Variants in PPP1R37 observed in about 807,000 individuals in gnomAD.
PPP1R37 encodes protein phosphatase 1 regulatory subunit 37.
In PPP1R37, 21 loss-of-function variants were observed where a neutral mutation model predicts 61.0. The observed-to-expected ratio is 0.34, with a 90% CI of 0.24 to 0.50. PPP1R37 has a LOEUF of 0.50. Ranked by LOEUF, PPP1R37 falls within the 20% of genes least tolerant of loss-of-function variation. The pLI is 0.98. For synonymous variants in PPP1R37, 443 were observed against 433.5 expected, an observed-to-expected ratio of 1.02 and a Z score of -0.27; for missense variants, 910 against 952.7, an observed-to-expected ratio of 0.96 and a Z score of 0.59.
At position 45,145,480 on chromosome 19, in the gene PPP1R37, C is replaced by T; in HGVS notation, c.1424C>T (p.Pro475Leu). 1 of 1,534,800 alleles carries T rather than the reference C, an allele frequency of 6.5e-7. No individual in the cohort carries two copies. Among genetic ancestry groups the T allele is most frequent in the Non-Finnish European group, 8.7e-7 (1 of 1,146,484 alleles). Residue 475 changes from proline to leucine, a missense_variant, in exon 11 of 13, where the codon CCT becomes CTT. By Grantham distance (98) the Pro-to-Leu change is moderately conservative (BLOSUM62 -3). Around this residue, in one of 3 missense-constraint regions of PPP1R37, gnomAD observed 549 missense variants for 505.1 expected, o/e 1.09. Transcript: ENST00000221462. ...CCGCCACAGCTGTCGGCCTCCATGC[C>T]TGAGACCACCGCCACCGAGCCCCAG... ...EQPPQLSASMPETTATEPQPD... is the reference protein window; with the variant it reads ...EQPPQLSASMLETTATEPQPD...
intron 1 of PPP1R37, among the ~76,000 whole-genome samples, chr19:45,111,404 A>T (rs1413736604): frequency 6.6e-6 from 1 of 152,046 alleles, no homozygotes; most frequent in African/African-American, 2.4e-5. Flanking sequence ...CCTCCTGAGT[A>T]GCTGGGATTA....
At chr19:45,108,128 G>A (rs1968156013) in intron 1 of PPP1R37, among the ~76,000 whole-genome samples, 2 of 152,144 alleles carry the variant, frequency 1.3e-5, no homozygotes, top group Admixed American at 1.3e-4. Flanking sequence ...AGTGTTGAGG[G>A]CTAGGGTTCT....
In PPP1R37 at chr19:45,138,905, C is replaced by CTTTT. The variant is rs34081163; in HGVS notation, c.300+316_300+319dup. Among the ~76,000 whole-genome samples the CTTTT allele has an allele frequency of 5.1e-3, 375 of 73,080 alleles. 15 individuals are homozygous for CTTTT. Among genetic ancestry groups the CTTTT allele is most frequent in the African/African-American group, 7.5e-3 (140 of 18,692 alleles). 47.9% of individuals were successfully genotyped at this position (73,080 alleles called of 152,430 possible). A position where few individuals can be genotyped will look rare whatever the true frequency, so the allele number is the denominator to read the frequency against. ...GTCTGAATTACAAAATTTATGTATT[C>CTTTT]TTTTTTTTTTTTTTTTTTTTTTTTT... On this transcript the variant is annotated intron_variant, in intron 2 of 12. Transcript: ENST00000221462.
chr19:45,144,804 C>G lies in PPP1R37; in HGVS notation c.988-50C>G, dbSNP rs554523840. The stretch of plus-strand genomic sequence containing the variant: ...TCTTTCCTGACTTGGCCTCCTGGGT[C>G]TCCTCCGCCATCACGGCCTCCTCCT... On this transcript the variant is annotated intron_variant, in intron 8 of 12. Transcript: ENST00000221462. 4.1e-6 allele frequency: 6 copies of G among 1,451,128 alleles called. No homozygotes were observed. The South Asian group carries it at 7.7e-5, about 19-fold the overall frequency. The allele number at this position is 1,451,128 out of a possible 1,614,324, so 89.9% of individuals were successfully genotyped here.
At chr19:45,137,039 AGG>A (rs1004130980) in intron 1 of PPP1R37, 3 of 148,638 alleles carry the variant, frequency 2.0e-5, no homozygotes, top group African/African-American at 7.5e-5. Flanking sequence ...CAGCAGGGCG[AGG>A]GGCCCCCCCC....
chr19:45,145,085 C>T lies in PPP1R37; in HGVS notation c.1130-9C>T, dbSNP rs1036786208. 3.3e-6 allele frequency: 5 copies of T among 1,529,344 alleles called. No individual in the cohort carries two copies. The highest frequency in any genetic ancestry group is 2.4e-5 in the South Asian group (2 of 83,556). 94.7% of individuals were successfully genotyped at this position (1,529,344 alleles called of 1,614,324 possible). A position where few individuals can be genotyped will look rare whatever the true frequency, so the allele number is the denominator to read the frequency against. On this transcript the variant is annotated splice_polypyrimidine_tract_variant and intron_variant, in intron 9 of 12. Transcript: ENST00000221462. ...GGGCCCGTGGCCAGCCCCTGCGGTG[C>T]CCCCCCAGGCGCGGTGGCGGTGGCG...
chr19:45,108,240 C>T (rs1406274910), intron 1 of PPP1R37, among the ~76,000 whole-genome samples: 1 of 152,126 alleles, frequency 6.6e-6, no homozygotes, highest in African/African-American at 2.4e-5. Flanking sequence ...GACAGGGTCT[C>T]GATCTGTCCC....
At position 45,146,748 on chromosome 19, in the gene PPP1R37, G is replaced by A. The variant is rs779377540; in HGVS notation, c.*186G>A. 8 of 409,492 alleles carry A rather than the reference G, an allele frequency of 2.0e-5. No homozygotes were observed. The East Asian group carries it at 2.0e-4, about 10-fold the overall frequency. 25.4% of individuals were successfully genotyped at this position (409,492 alleles called of 1,614,324 possible). On this transcript the variant is annotated 3_prime_UTR_variant, in exon 13 of 13. Coordinates refer to ENST00000221462, the MANE Select transcript of PPP1R37 (RefSeq NM_019121.2). The stretch of plus-strand genomic sequence containing the variant: ...AGCTACAGGGAGTGGCCCTCCGCGC[G>A]TGACTCAAGCACTTCTATTTATGAG...
intron 1 of PPP1R37, among the ~76,000 whole-genome samples, chr19:45,125,653 T>G (rs1667709364): frequency 6.6e-6 from 1 of 152,234 alleles, no homozygotes; most frequent in African/African-American, 2.4e-5. Flanking sequence ...TGGCTGGCTC[T>G]GTAACCTTCC....
At chr19:45,144,658 TG>T in intron 8 of PPP1R37, 195 bp from the exon 9 acceptor site, 3 of 547,176 alleles carry the variant, frequency 5.5e-6, no homozygotes, top group Non-Finnish European at 9.5e-6. Flanking sequence ...ACCTGGCATT[TG>T]GGGAGACTTC....
intron 1 of PPP1R37, among the ~76,000 whole-genome samples, chr19:45,119,963 C>G (rs1447113213): frequency 6.6e-6 from 1 of 150,884 alleles, no homozygotes; most frequent in East Asian, 1.9e-4. Flanking sequence ...TACTCCATCT[C>G]TGTGTTCATT....
chr19:45,104,573 T>C (rs1232070000), intron 1 of PPP1R37, among the ~76,000 whole-genome samples: 1 of 152,158 alleles, frequency 6.6e-6, no homozygotes, highest in Non-Finnish European at 1.5e-5. Context: ...TGGAGGGGCC[T>C]CCCAATGGCT....
At chr19:45,133,498 AG>A (rs2122744308) in intron 1 of PPP1R37, among the ~76,000 whole-genome samples, 1 of 152,352 alleles carries the variant, frequency 6.6e-6, no homozygotes, top group South Asian at 2.1e-4. Flanking sequence ...CAAAGATCCC[AG>A]CCCCATCCCT....
chr19:45,117,461 G>A (rs1274599337), intron 1 of PPP1R37, among the ~76,000 whole-genome samples: 5 of 152,184 alleles, frequency 3.3e-5, no homozygotes, highest in African/African-American at 1.2e-4. Flanking sequence ...GGGACAGGTG[G>A]TGCCGAGTGA....
At chr19:45,135,836 G>A (rs954444452) in intron 1 of PPP1R37, among the ~76,000 whole-genome samples, 1 of 146,804 alleles carries the variant, frequency 6.8e-6, no homozygotes, top group African/African-American at 2.6e-5. Flanking sequence ...AGGCTGGAGT[G>A]CAATGGCGCG....
chr19:45,123,698 G>C (rs568114929), intron 1 of PPP1R37, among the ~76,000 whole-genome samples: 24 of 152,352 alleles, frequency 1.6e-4, no homozygotes, highest in African/African-American at 5.5e-4. Context: ...GTGCCTGGTA[G>C]GGAAGGGGTT....
At chr19:45,135,015 C>T (rs182456434) in intron 1 of PPP1R37, among the ~76,000 whole-genome samples, 3 of 152,216 alleles carry the variant, frequency 2.0e-5, no homozygotes, top group South Asian at 2.1e-4. Flanking sequence ...TTTGGGAGGC[C>T]GAGGTGGGCA....
chr19:45,110,116 C>CTT (rs373508881), intron 1 of PPP1R37, among the ~76,000 whole-genome samples: 113 of 142,476 alleles, frequency 7.9e-4, no homozygotes, highest in African/African-American at 1.6e-3. Context: ...TTCCCTTTTT[C>CTT]TTTTTTTTTT....
At chr19:45,126,792 C>T (rs908089728) in intron 1 of PPP1R37, among the ~76,000 whole-genome samples, 1 of 152,204 alleles carries the variant, frequency 6.6e-6, no homozygotes, top group African/African-American at 2.4e-5. Flanking sequence ...CCCTGCCCAT[C>T]CCTGTGCATG....
Sources: gnomAD v4.1 joint callset for allele counts (sites outside exome capture counted in the v4.1 genomes callset) on GRCh38, gnomAD v4.1.1 for gene constraint, gnomAD v4.1.1 regional missense constraint, MANE v1.5 for transcripts, NCBI Gene and HGNC (gene_info 2026-07-23, HGNC 2026-07-21) for gene names.